The following AGBL1 variants were observed in gnomAD, a reference collection of about 807,000 sequenced individuals.
AGBL1 encodes cytosolic carboxypeptidase 4.
Under a neutral mutation model 118.9 loss-of-function variants are expected in AGBL1, and 130 were observed. The observed-to-expected ratio is 1.09, with a 90% CI of 0.95 to 1.26. The LOEUF (loss-of-function observed/expected upper bound fraction) is 1.26, where lower values mean the gene tolerates loss of function less well. AGBL1 is among the 50% of genes most tolerant of loss of function. The probability of loss-of-function intolerance (pLI) is 0.00; values close to 1 mark genes in which losing one functional copy is unlikely to be tolerated. For synonymous variants in AGBL1, 555 were observed against 478.9 expected (o/e 1.16, Z -2.08); for missense variants, 1,584 against 1,298.1 (o/e 1.22, Z -3.38).
Position 86,129,648 on chromosome 15 carries a change from T to C in AGBL1, c.52-12356T>C, listed in dbSNP as rs181618636. ...ACTGGGGCTGAGAGTGGTGGGGTGG[T>C]TATGCTACTTGTCTCTAGCGGGTAG... On this transcript the variant is annotated intron_variant, in intron 1 of 22. Coordinates refer to ENST00000614907, the MANE Select transcript of AGBL1 (RefSeq NM_001386094.1). Among the ~76,000 whole-genome samples, 1,276 of 152,230 alleles carry C rather than the reference T, an allele frequency of 8.4e-3. 6 individuals are homozygous for C. Among genetic ancestry groups the C allele is most frequent in the Non-Finnish European group, 0.014 (956 of 68,016 alleles).
chr15:86,719,374 G>C (rs2086683604), intron 22 of AGBL1, among the ~76,000 whole-genome samples: 1 of 152,124 alleles, frequency 6.6e-6, no homozygotes. Context: ...CTCTGAGTAG[G>C]CATGTGAGCT....
intron 18 of AGBL1, among the ~76,000 whole-genome samples, chr15:86,504,212 A>C (rs1421527974): frequency 6.6e-6 from 1 of 151,606 alleles, no homozygotes; most frequent in African/African-American, 2.4e-5. Context: ...AAAGTACATT[A>C]TGTCTGATAG....
At chr15:86,256,760 CTG>C (rs1185486540) in intron 7 of AGBL1, 91 bp from the exon 8 acceptor site, 2 of 1,299,522 alleles carry the variant, frequency 1.5e-6, no homozygotes, top group African/African-American at 2.9e-5. Context: ...GGAGACTGTG[CTG>C]TGTTACAGCT....
intron 22 of AGBL1, among the ~76,000 whole-genome samples, chr15:86,906,275 C>T (rs2080278662): frequency 6.6e-6 from 1 of 152,230 alleles, no homozygotes; most frequent in Admixed American, 6.5e-5. Flanking sequence ...AGACATACAG[C>T]TCCTTGGGAG....
intron 22 of AGBL1, among the ~76,000 whole-genome samples, chr15:86,753,632 A>C (rs1268682648): frequency 6.6e-6 from 1 of 151,956 alleles, no homozygotes; most frequent in Non-Finnish European, 1.5e-5. Context: ...TTCTGATCTC[A>C]GGTGATCCAC....
intron 21 of AGBL1, among the ~76,000 whole-genome samples, chr15:86,561,701 G>A (rs1039002434): frequency 2.6e-5 from 4 of 152,158 alleles, no homozygotes; most frequent in African/African-American, 9.7e-5. Flanking sequence ...AAAGTCATTG[G>A]TAGCTTGATG....
intron 22 of AGBL1, among the ~76,000 whole-genome samples, chr15:86,849,481 C>T (rs1262400802): frequency 6.7e-6 from 1 of 149,572 alleles, no homozygotes; most frequent in Non-Finnish European, 1.5e-5. Context: ...GAACAAAGAG[C>T]TATGAAAATA....
chr15:86,498,141 C>A (rs547412666), intron 18 of AGBL1, among the ~76,000 whole-genome samples: 81 of 151,878 alleles, frequency 5.3e-4, no homozygotes, highest in African/African-American at 1.9e-3. Flanking sequence ...TTAGAAATAT[C>A]CCAGGGAGAC....
At chr15:86,827,338 T>C (rs374616442) in intron 22 of AGBL1, among the ~76,000 whole-genome samples, 6 of 7,556 alleles carry the variant, frequency 7.9e-4, no homozygotes, top group African/African-American at 4.4e-3. Context: ...TATATATATA[T>C]GTGTATATAT....
chr15:86,593,889 T>C (rs926036710), intron 21 of AGBL1, among the ~76,000 whole-genome samples: 2 of 152,176 alleles, frequency 1.3e-5, no homozygotes, highest in African/African-American at 4.8e-5. Context: ...CTTGATGTTT[T>C]TGAGATTCTT....
intron 19 of AGBL1, among the ~76,000 whole-genome samples, chr15:86,545,256 C>T (rs1430180121): frequency 6.6e-6 from 1 of 152,124 alleles, no homozygotes. Flanking sequence ...AAAAATAATC[C>T]TTTGTTTGAT....
intron 24 of AGBL1, among the ~76,000 whole-genome samples, chr15:87,018,489 G>A (rs2570114): frequency 0.61 from 92,912 of 151,364 alleles, 29,007 homozygotes; most frequent in South Asian, 0.73. Flanking sequence ...TTCCAACCCA[G>A]AAATTTATGT....
chr15:86,486,104 G>A (rs1191564213), intron 18 of AGBL1, among the ~76,000 whole-genome samples: 3 of 151,980 alleles, frequency 2.0e-5, no homozygotes, highest in Non-Finnish European at 4.4e-5. Context: ...TCATTAATTT[G>A]GAGATAATTA....
chr15:87,022,198 A>G (rs1358500172), intron 24 of AGBL1, among the ~76,000 whole-genome samples: 1 of 152,054 alleles, frequency 6.6e-6, no homozygotes, highest in Non-Finnish European at 1.5e-5. Flanking sequence ...CCTCTGACAG[A>G]GTCTACCCAA....
At chr15:86,170,026 AG>A (rs1162030824) in intron 5 of AGBL1, among the ~76,000 whole-genome samples, 1 of 152,258 alleles carries the variant, frequency 6.6e-6, no homozygotes, top group Non-Finnish European at 1.5e-5. Flanking sequence ...CAAAGGAACA[AG>A]AAAGCACTAC....
intron 22 of AGBL1, among the ~76,000 whole-genome samples, chr15:86,703,508 G>T (rs188343456): frequency 3.3e-5 from 5 of 152,170 alleles, no homozygotes; most frequent in South Asian, 4.2e-4. Context: ...TACTGGAAAA[G>T]CCTAGAACAG....
intron 18 of AGBL1, among the ~76,000 whole-genome samples, chr15:86,511,374 T>C (rs757563208): frequency 2.0e-5 from 3 of 152,036 alleles, no homozygotes; most frequent in Non-Finnish European, 1.5e-5. Context: ...TTGGTTCATA[T>C]AGGTGTGGGG....
intron 22 of AGBL1, among the ~76,000 whole-genome samples, chr15:86,738,370 G>C (rs2077630933): frequency 6.6e-6 from 1 of 151,960 alleles, no homozygotes; most frequent in Non-Finnish European, 1.5e-5. Context: ...TACTGGAAAT[G>C]CCAGCCATAG....
chr15:86,545,692 C>T (rs1412573769), intron 19 of AGBL1, among the ~76,000 whole-genome samples: 1 of 152,048 alleles, frequency 6.6e-6, no homozygotes, highest in Non-Finnish European at 1.5e-5. Flanking sequence ...TTGCCCATTC[C>T]TCCTACCCAG....
Sources: allele counts gnomAD v4.1 joint callset (sites outside exome capture counted in the v4.1 genomes callset), GRCh38; gene constraint gnomAD v4.1.1; transcripts MANE v1.5; gene names NCBI Gene and HGNC (gene_info 2026-07-23, HGNC 2026-07-21).